The following KPNA3 variants were observed in gnomAD, a reference collection of about 807,000 sequenced individuals.
KPNA3 encodes importin subunit alpha-4.
A neutral mutation model predicts 73.8 loss-of-function variants in KPNA3; 13 were observed. The observed-to-expected ratio is 0.18, with a 90% CI of 0.11 to 0.28. KPNA3 has a LOEUF of 0.28. Among genes scored for constraint, KPNA3 ranks in the 10% least tolerant of loss-of-function variants. The pLI is 1.00. For missense variants in KPNA3, 360 were observed against 618.1 expected (o/e 0.58, Z 4.43); for synonymous variants, 186 against 206.9 (o/e 0.90, Z 0.87).
chr13:49,738,883 G>A (rs899500058), intron 2 of KPNA3, among the ~76,000 whole-genome samples: 5 of 152,180 alleles, frequency 3.3e-5, no homozygotes, highest in African/African-American at 1.2e-4. Flanking sequence ...AATAAGAGCA[G>A]TTATGATGGA....
At chr13:49,771,700 G>A (rs893759850) in intron 1 of KPNA3, among the ~76,000 whole-genome samples, 7 of 152,136 alleles carry the variant, frequency 4.6e-5, no homozygotes, top group African/African-American at 1.7e-4. Flanking sequence ...AGGCTCTACT[G>A]CTCATCATAG....
At chr13:49,756,625 G>C (rs1168301285) in intron 1 of KPNA3, among the ~76,000 whole-genome samples, 1 of 152,158 alleles carries the variant, frequency 6.6e-6, no homozygotes, top group African/African-American at 2.4e-5. Flanking sequence ...ACTTGGTAAA[G>C]ATGTTGATTC....
chr13:49,762,292 G>C (rs1954773142), intron 1 of KPNA3, among the ~76,000 whole-genome samples: 1 of 150,208 alleles, frequency 6.7e-6, no homozygotes, highest in African/African-American at 2.5e-5. Flanking sequence ...GAGGTGGGGG[G>C]TGCCTCTGCC....
At chr13:49,722,830 TAAAAAAAA>T (rs10693298) in intron 7 of KPNA3, among the ~76,000 whole-genome samples, 4 of 79,650 alleles carry the variant, frequency 5.0e-5, no homozygotes, top group Non-Finnish European at 9.4e-5. Context: ...TATAATCCAT[TAAAAAAAA>T]AAAAAAAAAA....
At chr13:49,714,583 C>T (rs569096704) in intron 10 of KPNA3, among the ~76,000 whole-genome samples, 1 of 152,076 alleles carries the variant, frequency 6.6e-6, no homozygotes, top group Admixed American at 6.6e-5. Flanking sequence ...CAAAAAAGTA[C>T]CAAATCCCCA....
chr13:49,734,037 T>C (rs1028859513), intron 2 of KPNA3, among the ~76,000 whole-genome samples: 1 of 152,250 alleles, frequency 6.6e-6, no homozygotes, highest in African/African-American at 2.4e-5. Flanking sequence ...AGTGGTGTAT[T>C]ATGAAGCAAA....
chr13:49,747,002 G>C lies in KPNA3; in HGVS notation c.70-9C>G, dbSNP rs113049270. On this transcript the variant is annotated splice_polypyrimidine_tract_variant and intron_variant, in intron 1 of 16. Transcript: ENST00000261667. ...CTATGTCTTCGCATTGTCTAGAAAAGAAAAACAAAGATTACAGATGTATCA... is the reference window on the plus strand; with the variant it reads ...CTATGTCTTCGCATTGTCTAGAAAACAAAAACAAAGATTACAGATGTATCA... The C allele has an allele frequency of 2.2e-4, 357 of 1,596,628 alleles. 2 individuals are homozygous for C. In the African/African-American group the frequency reaches 4.4e-3, roughly 20 times the overall value.
At chr13:49,736,035 ATTAT>A (rs1370800306) in intron 2 of KPNA3, among the ~76,000 whole-genome samples, 1 of 152,230 alleles carries the variant, frequency 6.6e-6, no homozygotes, top group African/African-American at 2.4e-5. Context: ...GGATAATTAC[ATTAT>A]TTATCAGCCC....
intron 1 of KPNA3, among the ~76,000 whole-genome samples, chr13:49,760,981 G>A (rs1264214740): frequency 6.6e-6 from 1 of 152,062 alleles, no homozygotes; most frequent in Non-Finnish European, 1.5e-5. Context: ...GTTGGCAAGT[G>A]TGATAATGGT....
intron 1 of KPNA3, among the ~76,000 whole-genome samples, chr13:49,760,342 G>A (rs1305424521): frequency 6.7e-6 from 1 of 150,256 alleles, no homozygotes. Flanking sequence ...TTGAGCCCAG[G>A]AGGCAGAGGT....
In KPNA3 at chr13:49,752,800, G is replaced by A. The variant is rs376662554; in HGVS notation, c.70-5807C>T. 3.6e-4 allele frequency among the ~76,000 whole-genome samples: 55 copies of A among 151,828 alleles called. 1 individual carries two copies. The South Asian group carries it at 0.011, about 30-fold the overall frequency. Reference sequence around the variant, plus strand: ...TCCCAGCACTTTGGGAGGCCGAGGCGGGCGGATCATGAGGTCAGGAGATCG... The same window carrying A: ...TCCCAGCACTTTGGGAGGCCGAGGCAGGCGGATCATGAGGTCAGGAGATCG... On this transcript the variant is annotated intron_variant, in intron 1 of 16. Coordinates refer to ENST00000261667, the MANE Select transcript of KPNA3 (RefSeq NM_002267.4).
At chr13:49,738,887 T>C (rs1327672212) in intron 2 of KPNA3, among the ~76,000 whole-genome samples, 1 of 152,220 alleles carries the variant, frequency 6.6e-6, no homozygotes. Context: ...AGAGCAGTTA[T>C]GATGGACTTC....
intron 12 of KPNA3, among the ~76,000 whole-genome samples, chr13:49,707,928 G>A (rs1448396893): frequency 6.6e-6 from 1 of 152,024 alleles, no homozygotes; most frequent in African/African-American, 2.4e-5. Flanking sequence ...CTGGGTTTGG[G>A]TGATGGTAGT....
At chr13:49,731,101 G>T (rs1218742385) in intron 6 of KPNA3, among the ~76,000 whole-genome samples, 1 of 148,726 alleles carries the variant, frequency 6.7e-6, no homozygotes, top group Non-Finnish European at 1.5e-5. Context: ...TTGAGTCAGG[G>T]TCTTGCTCTG....
At chr13:49,707,919 T>G (rs1376934836) in intron 12 of KPNA3, among the ~76,000 whole-genome samples, 1 of 152,120 alleles carries the variant, frequency 6.6e-6, no homozygotes, top group East Asian at 1.9e-4. Flanking sequence ...TCAGTTCTGC[T>G]GGGTTTGGGT....
At chr13:49,785,567 TGATGATTAAA>T (rs1432863579) in intron 1 of KPNA3, among the ~76,000 whole-genome samples, 2 of 152,098 alleles carry the variant, frequency 1.3e-5, no homozygotes, top group African/African-American at 4.8e-5. Context: ...CACATTGAAA[TGATGATTAAA>T]GCCAAGGGAG....
chr13:49,727,429 CAG>C (rs1344735804), intron 6 of KPNA3, among the ~76,000 whole-genome samples: 1 of 122,408 alleles, frequency 8.2e-6, no homozygotes, highest in Non-Finnish European at 1.6e-5. Flanking sequence ...GCCTGGGCGA[CAG>C]AGAGAGATTC....
rs1045600035 is a variant in KPNA3, at chr13:49,722,515, A to G, written c.518T>C (p.Val173Ala). ...CAAAGCCCATACTGCTTGTTCACAAACATTCTGATGTGGTGAACGAAGAAG... is the reference window on the plus strand; with the variant it reads ...CAAAGCCCATACTGCTTGTTCACAAGCATTCTGATGTGGTGAACGAAGAAG... Reference protein sequence around the residue: ...LRLLRSPHQNVCEQAVWALGN... With the variant: ...LRLLRSPHQNACEQAVWALGN... The change falls in exon 8 of 17, where the codon GTT becomes GCT. Residue 173 changes from valine (V) to alanine (A), a missense_variant. Around this residue, in one of 3 missense-constraint regions of KPNA3, gnomAD observed 287 missense variants for 549.1 expected, o/e 0.52. Coordinates refer to ENST00000261667, the MANE Select transcript of KPNA3 (RefSeq NM_002267.4). 1.9e-6 allele frequency: 3 copies of G among 1,612,372 alleles called. No individual in the cohort carries two copies. Among genetic ancestry groups the G allele is most frequent in the Non-Finnish European group, 2.5e-6 (3 of 1,179,134 alleles).
At chr13:49,789,298 C>T (rs920926790) in intron 1 of KPNA3, among the ~76,000 whole-genome samples, 1 of 152,118 alleles carries the variant, frequency 6.6e-6, no homozygotes, top group African/African-American at 2.4e-5. Flanking sequence ...AGTTAACATG[C>T]CCCTTTTAAG....
Sources: gnomAD v4.1 joint callset for allele counts (sites outside exome capture counted in the v4.1 genomes callset) on GRCh38, gnomAD v4.1.1 for gene constraint, gnomAD v4.1.1 regional missense constraint, MANE v1.5 for transcripts, NCBI Gene and HGNC (gene_info 2026-07-23, HGNC 2026-07-21) for gene names.